Variants in KDM2B observed in about 807,000 individuals in gnomAD.
The protein encoded by KDM2B is lysine-specific demethylase 2B.
A neutral mutation model predicts 150.0 loss-of-function variants in KDM2B; 26 were observed. The observed-to-expected ratio is 0.17, with a 90% CI of 0.13 to 0.24. KDM2B has a LOEUF of 0.24. Among genes scored for constraint, KDM2B ranks in the 10% least tolerant of loss-of-function variants. The pLI, the probability that KDM2B is intolerant of heterozygous loss-of-function variation, is 1.00. For synonymous variants in KDM2B, 734 were observed against 729.5 expected (o/e 1.01, Z -0.10); for missense variants, 1,265 against 1,816.9 (o/e 0.70, Z 5.52).
intron 6 of KDM2B, among the ~76,000 whole-genome samples, chr12:121,540,177 G>A (rs1325103353): frequency 6.6e-6 from 1 of 152,080 alleles, no homozygotes; most frequent in Non-Finnish European, 1.5e-5. Flanking sequence ...GTGGTGCGTT[G>A]GTCCATACAC....
chr12:121,450,943 C>T (rs1241575150), intron 13 of KDM2B, among the ~76,000 whole-genome samples: 4 of 152,142 alleles, frequency 2.6e-5, no homozygotes, highest in African/African-American at 9.6e-5. Flanking sequence ...GCCAACAGTA[C>T]AGAGGTTCCT....
At chr12:121,484,421 A>G (rs1882520503) in intron 12 of KDM2B, among the ~76,000 whole-genome samples, 1 of 152,172 alleles carries the variant, frequency 6.6e-6, no homozygotes, top group African/African-American at 2.4e-5. Context: ...TTGGTTCCCC[A>G]GCAATGAAAG....
At chr12:121,446,658 T>C (rs531425654) in intron 13 of KDM2B, among the ~76,000 whole-genome samples, 1 of 152,340 alleles carries the variant, frequency 6.6e-6, no homozygotes, top group Non-Finnish European at 1.5e-5. Flanking sequence ...CACTGGTGTA[T>C]TTTTGTGAAG....
At chr12:121,557,647 C>A (rs566779033) in intron 4 of KDM2B, among the ~76,000 whole-genome samples, 22 of 152,252 alleles carry the variant, frequency 1.4e-4, no homozygotes, top group African/African-American at 5.3e-4. Context: ...CTAAGCACTG[C>A]CAGCCACCAC....
At chr12:121,577,670 A>G (rs1331590964) in intron 2 of KDM2B, among the ~76,000 whole-genome samples, 2 of 152,206 alleles carry the variant, frequency 1.3e-5, no homozygotes, top group Non-Finnish European at 2.9e-5. Flanking sequence ...TCACTGAGGG[A>G]TGGAAGGGTT....
intron 11 of KDM2B, among the ~76,000 whole-genome samples, chr12:121,507,485 G>C (rs2140812888): frequency 6.6e-6 from 1 of 152,352 alleles, no homozygotes; most frequent in East Asian, 1.9e-4. Flanking sequence ...AGCTGCCCGT[G>C]ATTCCCCTGT....
the KDM2B span, chr12:121,420,565 C>A: frequency 6.2e-7 from 1 of 1,613,758 alleles, no homozygotes; most frequent in South Asian, 1.1e-5. Flanking sequence ...AATGGATGCT[C>A]TGTGGTTTCA....
intron 2 of KDM2B, among the ~76,000 whole-genome samples, chr12:121,578,096 A>G (rs1299716780): frequency 2.6e-5 from 4 of 152,212 alleles, no homozygotes; most frequent in Non-Finnish European, 5.9e-5. Context: ...GCCAGGGGAC[A>G]GGGATCTCCC....
intron 9 of KDM2B, among the ~76,000 whole-genome samples, chr12:121,517,904 A>AG (rs1202292254): frequency 1.2e-3 from 181 of 148,240 alleles, no homozygotes; most frequent in African/African-American, 4.0e-3. Context: ...ACTTTTTTTG[A>AG]GGGGGGGGAT....
rs571406678 is a variant in KDM2B, at chr12:121,518,831, C to T, written c.1047+2154G>A. On this transcript the variant is annotated intron_variant, in intron 9 of 22. Transcript: ENST00000377071. This position sits in a 1 kb window ranked among gnomAD's most constrained non-coding sequence, Gnocchi z 4.4. Reference sequence around the variant, plus strand: ...TCTATTCCACACGTCTGCTCGTGCACAAACTGGCCTGTACTCCAGGACAGG... The same window carrying T: ...TCTATTCCACACGTCTGCTCGTGCATAAACTGGCCTGTACTCCAGGACAGG... Among the ~76,000 whole-genome samples, 2 of 152,338 alleles carry T rather than the reference C, an allele frequency of 1.3e-5. No individual in the cohort carries two copies. Among genetic ancestry groups the T allele is most frequent in the African/African-American group, 2.4e-5 (1 of 41,584 alleles).
chr12:121,551,283 G>A (rs891948971), intron 4 of KDM2B, among the ~76,000 whole-genome samples: 2 of 152,044 alleles, frequency 1.3e-5, no homozygotes, highest in Non-Finnish European at 2.9e-5. Flanking sequence ...GCAGAGGTGG[G>A]AGGATGGTGC....
At chr12:121,508,758 C>T (rs1885315791) in intron 11 of KDM2B, among the ~76,000 whole-genome samples, 1 of 152,198 alleles carries the variant, frequency 6.6e-6, no homozygotes, top group Non-Finnish European at 1.5e-5. Flanking sequence ...CTTCCTCATC[C>T]ATTAAATGCA....
chr12:121,507,099 GAAA>G (rs577971662), intron 11 of KDM2B, among the ~76,000 whole-genome samples: 1 of 39,372 alleles, frequency 2.5e-5, no homozygotes. Flanking sequence ...TCTGTCTCAA[GAAA>G]AAAAAAAAAA....
intron 12 of KDM2B, among the ~76,000 whole-genome samples, chr12:121,473,335 T>G (rs1286085734): frequency 6.7e-6 from 1 of 148,204 alleles, no homozygotes; most frequent in Non-Finnish European, 1.5e-5. Flanking sequence ...GAGGTTGCAG[T>G]GAGCCGAGAT....
intron 4 of KDM2B, among the ~76,000 whole-genome samples, chr12:121,565,317 CTT>C (rs879950091): frequency 8.4e-5 from 12 of 142,728 alleles, no homozygotes; most frequent in African/African-American, 1.0e-4. Context: ...GGGGAAAGGA[CTT>C]TTTTTTTTTT....
At chr12:121,428,203 C>T (rs1872607045), downstream of KDM2B, among the ~76,000 whole-genome samples, 1 of 147,150 alleles carries the variant, frequency 6.8e-6, no homozygotes, top group Non-Finnish European at 1.5e-5. Flanking sequence ...AGATCTTTCT[C>T]TTTTTTTTTT....
At chr12:121,431,904 A>C (rs1436014969) in intron 22 of KDM2B, among the ~76,000 whole-genome samples, 1 of 109,398 alleles carries the variant, frequency 9.1e-6, no homozygotes, top group Non-Finnish European at 1.8e-5. Flanking sequence ...TTTGGAGATG[A>C]TGGAGTTTTG....
intron 1 of KDM2B, chr12:121,579,892 C>T (rs1891820033): frequency 2.7e-6 from 4 of 1,470,822 alleles, no homozygotes; most frequent in South Asian, 1.3e-5. Context: ...ATTTTTTTCC[C>T]GGTCCTCTTG....
rs1404510498 is a variant in KDM2B, at chr12:121,580,344, C to T, written c.126+442G>A. Reference sequence around the variant, plus strand: ...CCCGCGGCCGGGCTATTTGGGGGGGCTCTCGGCCCGGGCTTGGGGGGGTGG... The same window carrying T: ...CCCGCGGCCGGGCTATTTGGGGGGGTTCTCGGCCCGGGCTTGGGGGGGTGG... On this transcript the variant is annotated intron_variant, in intron 1 of 22. Transcript: ENST00000377071. 6 of 1,119,846 alleles carry T rather than the reference C, an allele frequency of 5.4e-6. No homozygotes were observed. In the East Asian group the frequency reaches 1.8e-4, roughly 34 times the overall value. 69.4% of individuals were successfully genotyped at this position (1,119,846 alleles called of 1,614,324 possible).
Sources: allele counts gnomAD v4.1 joint callset (sites outside exome capture counted in the v4.1 genomes callset), GRCh38; gene constraint gnomAD v4.1.1; non-coding constraint Gnocchi (gnomAD v3.1); transcripts MANE v1.5; gene names NCBI Gene and HGNC (gene_info 2026-07-23, HGNC 2026-07-21).